Variants in CELSR1 observed in about 807,000 individuals in gnomAD.
CELSR1 encodes adhesion G protein-coupled receptor C1.
Under a neutral mutation model 249.1 loss-of-function variants are expected in CELSR1, and 110 were observed. The observed-to-expected ratio is 0.44, with a 90% CI of 0.38 to 0.52. The LOEUF is 0.52. Ranked by LOEUF, CELSR1 falls within the 20% of genes least tolerant of loss-of-function variation. CELSR1 has a pLI of 0.00. For missense variants in CELSR1, 4,109 were observed against 4,296.4 expected (o/e 0.96, Z 1.22); for synonymous variants, 2,113 against 1,900.0 (o/e 1.11, Z -2.92).
At chr22:46,365,185 C>T in intron 32 of CELSR1, 46 bp downstream of exon 32, 2 of 1,585,854 alleles carry the variant, frequency 1.3e-6, no homozygotes, top group Admixed American at 1.7e-5. Context: ...TGCCCCGAGC[C>T]CGCTGTCCAC....
intron 2 of CELSR1, chr22:46,462,661 AAGAC>A (rs2080044781): frequency 5.2e-6 from 1 of 194,152 alleles, no homozygotes; most frequent in Non-Finnish European, 1.0e-5. Context: ...AAAAAAAAAA[AAGAC>A]AGACTATTCA....
rs1033297112 is a variant in CELSR1 at position 46,411,186 on chromosome 22, G to A, written c.4769+416C>T. 4.6e-5 allele frequency among the ~76,000 whole-genome samples: 7 copies of A among 152,122 alleles called. No individual in the cohort carries two copies. The highest frequency in any genetic ancestry group is 7.2e-5 in the African/African-American group (3 of 41,432). On this transcript the variant is annotated intron_variant, in intron 6 of 34. Coordinates refer to ENST00000674500, the MANE Select transcript of CELSR1 (RefSeq NM_001378328.1). The surrounding 1 kb of genome is among the most constrained non-coding windows in gnomAD (Gnocchi z 4.2). ...TGCACTCCAGCCTGGGCAACAGAGC[G>A]AGACCCCATCTCAGAAAAAAACAAA...
chr22:46,525,449 C>A (rs1280675645), intron 1 of CELSR1, among the ~76,000 whole-genome samples: 23 of 146,414 alleles, frequency 1.6e-4, no homozygotes, highest in South Asian at 2.2e-4. Flanking sequence ...AACTCTGTCT[C>A]AAAAAAAAAA....
At position 46,374,983 on chromosome 22, in the gene CELSR1, G is replaced by A. The variant is rs1442260175; in HGVS notation, c.7585-1926C>T. Among the ~76,000 whole-genome samples the A allele has an allele frequency of 6.6e-6, 1 of 152,134 alleles. No homozygotes were observed. The highest frequency in any genetic ancestry group is 1.5e-5 in the Non-Finnish European group (1 of 68,002). ...ACACGCCTCGGGGCTCGTCCTTCAT[G>A]GGCCAGGCCTGGTGCTCCACCTACC... is the stretch of plus-strand genomic sequence containing the variant. On this transcript the variant is annotated intron_variant, in intron 24 of 34. Coordinates refer to ENST00000674500, the MANE Select transcript of CELSR1 (RefSeq NM_001378328.1). The surrounding 1 kb of genome is among the most constrained non-coding windows in gnomAD (Gnocchi z 4.3).
At chr22:46,478,157 C>T (rs2147651048) in intron 1 of CELSR1, among the ~76,000 whole-genome samples, 1 of 152,324 alleles carries the variant, frequency 6.6e-6, no homozygotes, top group Admixed American at 6.5e-5. Flanking sequence ...CTCAGGGCTC[C>T]TTGGCTCAGC....
rs750848987 is a variant in CELSR1, at chr22:46,535,931, C to G, written c.1240G>C (p.Val414Leu). Reference protein sequence around the residue: ...ESSGVVSTRAVLDREEAAEYQ... With the variant: ...ESSGVVSTRALLDREEAAEYQ... The stretch of plus-strand genomic sequence containing the variant: ...TCGGCCGCCTCCTCCCGGTCCAGCA[C>G]CGCCCGTGTGCTCACCACGCCAGAG... The change falls in exon 1 of 35, where the codon GTG becomes CTG. Residue 414 changes from valine to leucine, a missense_variant. Physicochemically the swap from Val to Leu is conservative, Grantham distance 32. Around this residue, in one of 7 missense-constraint regions of CELSR1, gnomAD observed 673 missense variants for 636.8 expected, o/e 1.06. Transcript: ENST00000674500. 3 of 1,609,654 alleles carry G rather than the reference C, an allele frequency of 1.9e-6. No individual in the cohort carries two copies. The highest frequency in any genetic ancestry group is 2.2e-5 in the South Asian group (2 of 91,056).
At chr22:46,503,183 C>T (rs1248954431) in intron 1 of CELSR1, among the ~76,000 whole-genome samples, 1 of 152,212 alleles carries the variant, frequency 6.6e-6, no homozygotes, top group Non-Finnish European at 1.5e-5. Context: ...GACCTAAGAC[C>T]CAAGCAGACT....
At chr22:46,481,299 AGCCCCGATG>A in intron 1 of CELSR1, 1 of 586,922 alleles carries the variant, frequency 1.7e-6, no homozygotes, top group Non-Finnish European at 3.1e-6. Flanking sequence ...TATTGCCCTC[AGCCCCGATG>A]GCCACTGGCA....
chr22:46,464,327 G>C lies in CELSR1; in HGVS notation c.3563C>G (p.Thr1188Arg), dbSNP rs144860198. The change falls in exon 2 of 35, where the codon ACG (threonine) becomes AGG (arginine). Residue 1188 changes from threonine to arginine, a missense_variant. Thr to Arg is a moderately conservative substitution (Grantham distance 71, BLOSUM62 -1). This residue lies in a region of CELSR1 where 886 missense variants were observed against 896.5 expected (regional missense o/e 0.99). Transcript: ENST00000674500. The surrounding 1 kb of genome is among the most constrained non-coding windows in gnomAD (Gnocchi z 8.5). ...GGTGACACGCAGGGTGCAGAAGGCC[G>C]TGACGCTGTGGATGCCATCTGCAGA... ...VSVSDGIHSVTAFCTLRVTII... is the reference protein window; with the variant it reads ...VSVSDGIHSVRAFCTLRVTII... The C allele has an allele frequency of 6.2e-7, 1 of 1,610,706 alleles. No homozygotes were observed. Among genetic ancestry groups the C allele is most frequent in the South Asian group, 1.1e-5 (1 of 91,004 alleles).
chr22:46,502,996 G>C (rs1406500919), intron 1 of CELSR1, among the ~76,000 whole-genome samples: 6 of 152,188 alleles, frequency 3.9e-5, no homozygotes, highest in African/African-American at 1.4e-4. Context: ...AAAGGCTCGA[G>C]TTGGAAGTGC....
Position 46,523,029 on chromosome 22 carries a change from C to T in CELSR1, c.3544+10598G>A, listed in dbSNP as rs141666846. Among the ~76,000 whole-genome samples the T allele has an allele frequency of 2.0e-5, 3 of 152,342 alleles. No individual in the cohort carries two copies. In the East Asian group the frequency reaches 5.8e-4, roughly 29 times the overall value. On this transcript the variant is annotated intron_variant, in intron 1 of 34. Transcript: ENST00000674500. ...AACTTCATTCTGATGATGAAAACCG[C>T]CCTGCAACAATCAACTCACTGACAA...
At position 46,362,874 on chromosome 22, in the gene CELSR1, C is replaced by G. The variant is rs1177229784; in HGVS notation, c.*349G>C. 2.3e-6 allele frequency: 1 copy of G among 434,628 alleles called. No homozygotes were observed. Among genetic ancestry groups the G allele is most frequent in the African/African-American group, 2.0e-5 (1 of 50,626 alleles). The allele number at this position is 434,628 out of a possible 1,614,324, so 26.9% of individuals were successfully genotyped here. ...GTGCCCGGCGTTCCTGAACTCTGGC[C>G]AGCCTCTGGGCCCAGTCTGGGGTCC... is the stretch of plus-strand genomic sequence containing the variant. On this transcript the variant is annotated 3_prime_UTR_variant, in exon 35 of 35. Transcript: ENST00000674500.
In CELSR1 at chr22:46,409,854, C is replaced by T. The variant is rs776170182; in HGVS notation, c.4960G>A (p.Asp1654Asn). The T allele has an allele frequency of 2.0e-5, 32 of 1,613,716 alleles. No individual in the cohort carries two copies. The highest frequency in any genetic ancestry group is 1.9e-4 in the South Asian group (17 of 91,082). Residue 1654 changes from aspartate (D) to asparagine (N), a missense_variant, in exon 8 of 35, where the codon GAT becomes AAT. Asp to Asn is a conservative substitution (Grantham distance 23). Coordinates refer to ENST00000674500, the MANE Select transcript of CELSR1 (RefSeq NM_001378328.1). This position sits in a 1 kb window ranked among gnomAD's most constrained non-coding sequence, Gnocchi z 9.8. Reference sequence around the variant, plus strand: ...CCTCCATTCTGACACCGCCTCCCATCGCAGAAGTTCCTCCGAGCAGCGCAG... The same window carrying T: ...CCTCCATTCTGACACCGCCTCCCATTGCAGAAGTTCCTCCGAGCAGCGCAG... ...EGCAARRNFCDGRRCQNGGTC... is the reference protein window; with the variant it reads ...EGCAARRNFCNGRRCQNGGTC...
At chr22:46,509,453 T>G (rs4823835) in intron 1 of CELSR1, among the ~76,000 whole-genome samples, 101,381 of 151,788 alleles carry the variant, frequency 0.67, 33,920 homozygotes, top group East Asian at 0.77. Context: ...TTGTCACAGT[T>G]TAAGGAGCCC....
In CELSR1 at chr22:46,410,631, A is replaced by G; in HGVS notation, c.4770-70T>C. 2 of 1,537,578 alleles carry G rather than the reference A, an allele frequency of 1.3e-6. No homozygotes were observed. The highest frequency in any genetic ancestry group is 1.8e-6 in the Non-Finnish European group (2 of 1,119,704). ...GCGGCCACGGCGGGCTGGGCTCCGC[A>G]GTTGCCTCTGTGTAGCCTCTACCAC... is the stretch of plus-strand genomic sequence containing the variant. On this transcript the variant is annotated intron_variant, in intron 6 of 34. Coordinates refer to ENST00000674500, the MANE Select transcript of CELSR1 (RefSeq NM_001378328.1). The surrounding 1 kb of genome is among the most constrained non-coding windows in gnomAD (Gnocchi z 6.8).
chr22:46,451,910 C>T lies in CELSR1; in HGVS notation c.4183+11797G>A, dbSNP rs116561582. ...ACAACATGAATTATCGTAAAATGAG[C>T]GCAGAGGGAGATGAGAAGCAAGGGG... is the stretch of plus-strand genomic sequence containing the variant. On this transcript the variant is annotated intron_variant, in intron 2 of 34. Coordinates refer to ENST00000674500, the MANE Select transcript of CELSR1 (RefSeq NM_001378328.1). Among the ~76,000 whole-genome samples, 1,097 of 152,208 alleles carry T rather than the reference C, an allele frequency of 7.2e-3. 14 individuals carry two copies. The highest frequency in any genetic ancestry group is 0.025 in the African/African-American group (1,053 of 41,506).
At chr22:46,530,663 A>G (rs1214096439) in intron 1 of CELSR1, among the ~76,000 whole-genome samples, 1 of 152,224 alleles carries the variant, frequency 6.6e-6, no homozygotes, top group East Asian at 1.9e-4. Context: ...TCTGACTTCA[A>G]AAAATTTTCA....
Position 46,396,617 on chromosome 22 carries a change from T to C in CELSR1, c.5831A>G (p.Tyr1944Cys), listed in dbSNP as rs1353127876. 21 of 1,593,650 alleles carry C rather than the reference T, an allele frequency of 1.3e-5. No individual in the cohort carries two copies. The highest frequency in any genetic ancestry group is 1.5e-5 in the Non-Finnish European group (18 of 1,170,492). Reference sequence around the variant, plus strand: ...GGGCTGCTCTTACTTGTTCTCACAGTACGGCCCGTAGTGACTGGGCCCACA... The same window carrying C: ...GGGCTGCTCTTACTTGTTCTCACAGCACGGCCCGTAGTGACTGGGCCCACA... Reference protein sequence around the residue: ...CECGPSHYGPYCENKLDLPCP... With the variant: ...CECGPSHYGPCCENKLDLPCP... The change falls in exon 13 of 35, where the codon TAC (tyrosine) becomes TGC (cysteine). Residue 1944 changes from tyrosine (Y) to cysteine (C), a missense_variant. By Grantham distance (194) the Tyr-to-Cys change is radical. Around this residue, in one of 7 missense-constraint regions of CELSR1, gnomAD observed 1,805 missense variants for 1,831.6 expected, o/e 0.99. Transcript: ENST00000674500. The surrounding 1 kb of genome is among the most constrained non-coding windows in gnomAD (Gnocchi z 6.4).
At position 46,536,768 on chromosome 22, in the gene CELSR1, CG is replaced by C; in HGVS notation, c.402del (p.Val135SerfsTer109). 1 of 1,184,082 alleles carries C rather than the reference CG, an allele frequency of 8.4e-7. No homozygotes were observed. 73.3% of individuals were successfully genotyped at this position (1,184,082 alleles called of 1,614,324 possible). A position where few individuals can be genotyped will look rare whatever the true frequency, so the allele number is the denominator to read the frequency against. ...GARLCGALCF[P>X]VPGGCAAAQH... ...TGCGCGGCCGCGCAGCCGCCGGGGA[CG>C]GGGAAGCAGAGCGCCCCGCAGAGCC... On this transcript the variant is annotated frameshift_variant, in exon 1 of 35. Transcript: ENST00000674500. LOFTEE classifies it high-confidence loss of function.
Sources: gnomAD v4.1 joint callset for allele counts (sites outside exome capture counted in the v4.1 genomes callset) on GRCh38, gnomAD v4.1.1 for gene constraint, gnomAD v4.1.1 regional missense constraint, Gnocchi (gnomAD v3.1) non-coding constraint, MANE v1.5 for transcripts, NCBI Gene and HGNC (gene_info 2026-07-23, HGNC 2026-07-21) for gene names.